PLCE1: variants seen among roughly 807,000 people sequenced by gnomAD.
PLCE1 encodes 1-phosphatidylinositol 4,5-bisphosphate phosphodiesterase epsilon-1.
PLCE1 carries 119 observed loss-of-function variants against 242.8 expected under a neutral mutation model. The ratio of observed to expected loss-of-function variants is 0.49; its 90% CI spans 0.42 to 0.57. PLCE1 has a LOEUF of 0.57. Ranked by LOEUF, PLCE1 falls within the 20% of genes least tolerant of loss-of-function variation. The probability of loss-of-function intolerance (pLI) is 0.00; values close to 1 mark genes in which losing one functional copy is unlikely to be tolerated. For missense variants in PLCE1, 2,441 were observed against 2,788.8 expected, an observed-to-expected ratio of 0.88 and a Z score of 2.81; for synonymous variants, 945 against 1,017.4, an observed-to-expected ratio of 0.93 and a Z score of 1.35.
At chr10:94,150,493 C>T (rs1410109584) in intron 3 of PLCE1, among the ~76,000 whole-genome samples, 1 of 152,192 alleles carries the variant, frequency 6.6e-6, no homozygotes, top group Non-Finnish European at 1.5e-5. Flanking sequence ...TCCACTTCCA[C>T]TCAGAGGCAC....
intron 1 of PLCE1, among the ~76,000 whole-genome samples, chr10:94,004,271 G>A (rs2060993242): frequency 6.6e-6 from 1 of 152,176 alleles, no homozygotes; most frequent in Admixed American, 6.5e-5. Context: ...CACACAGTAT[G>A]GACTTCCTTT....
At chr10:94,073,982 A>G (rs1423155005) in intron 2 of PLCE1, among the ~76,000 whole-genome samples, 2 of 152,158 alleles carry the variant, frequency 1.3e-5, no homozygotes, top group South Asian at 2.1e-4. Context: ...GTGGTGATCT[A>G]TTGAGTTTCA....
intron 24 of PLCE1, among the ~76,000 whole-genome samples, chr10:94,300,916 A>T (rs920863192): frequency 6.6e-6 from 1 of 151,966 alleles, no homozygotes; most frequent in Admixed American, 6.6e-5. Flanking sequence ...TTAAAACAAA[A>T]TAGTGGGGCT....
intron 4 of PLCE1, among the ~76,000 whole-genome samples, chr10:94,172,312 G>A (rs998706974): frequency 6.6e-6 from 1 of 152,106 alleles, no homozygotes. Flanking sequence ...CACACCCAGA[G>A]TTTTCTATTC....
chr10:94,187,108 A>C (rs2048501276), intron 4 of PLCE1, among the ~76,000 whole-genome samples: 1 of 151,910 alleles, frequency 6.6e-6, no homozygotes. Flanking sequence ...GCCCAATATC[A>C]CATAGGTTGA....
rs767432281 is a variant in PLCE1 at position 94,031,741 on chromosome 10, C to A, written c.695C>A (p.Ala232Glu). The A allele has an allele frequency of 3.1e-6, 5 of 1,613,626 alleles. No individual in the cohort carries two copies. Among genetic ancestry groups the A allele is most frequent in the Non-Finnish European group, 4.2e-6 (5 of 1,179,866 alleles). Residue 232 changes from alanine (A) to glutamate (E), a missense_variant, in exon 2 of 33, where the codon GCA (alanine) becomes GAA (glutamate). Transcript: ENST00000371380. Reference sequence around the variant, plus strand: ...GAGAAGCAAAAGAAAAACTATGTGGCATATACCTGTAAACTGATGGAATTG... The same window carrying A: ...GAGAAGCAAAAGAAAAACTATGTGGAATATACCTGTAAACTGATGGAATTG... ...GEEKQKKNYV[A>E]YTCKLMELAK...
At chr10:94,019,556 A>G (rs987770488) in intron 1 of PLCE1, among the ~76,000 whole-genome samples, 11 of 152,246 alleles carry the variant, frequency 7.2e-5, no homozygotes, top group Non-Finnish European at 1.5e-4. Context: ...GTCCTGTAGA[A>G]CTTTATGCGA....
At chr10:94,110,837 C>G (rs2045932764) in intron 2 of PLCE1, among the ~76,000 whole-genome samples, 1 of 152,186 alleles carries the variant, frequency 6.6e-6, no homozygotes, top group Non-Finnish European at 1.5e-5. Context: ...GCAGAAAGTG[C>G]TTTTGATTTC....
intron 3 of PLCE1, among the ~76,000 whole-genome samples, chr10:94,159,822 T>C (rs1222443850): frequency 6.6e-6 from 1 of 152,128 alleles, no homozygotes; most frequent in African/African-American, 2.4e-5. Flanking sequence ...CCTGTGTCCA[T>C]GTGTTTTCAT....
intron 2 of PLCE1, among the ~76,000 whole-genome samples, chr10:94,073,108 C>T (rs941547171): frequency 3.3e-5 from 5 of 152,088 alleles, no homozygotes; most frequent in African/African-American, 1.2e-4. Context: ...ATCCAGTTTC[C>T]CACCCCAAAC....
At chr10:94,279,642 T>C (rs2052118628) in intron 19 of PLCE1, 140 bp from the exon 20 acceptor site, 4 of 869,808 alleles carry the variant, frequency 4.6e-6, no homozygotes, top group South Asian at 2.9e-5. Context: ...GGAATCTAGA[T>C]TTTTTTCTCC....
chr10:94,216,387 T>C (rs990122979), intron 4 of PLCE1, among the ~76,000 whole-genome samples: 2 of 152,148 alleles, frequency 1.3e-5, no homozygotes, highest in African/African-American at 4.8e-5. Flanking sequence ...TTTGTCTTGC[T>C]CATCATGTGC....
In PLCE1 at chr10:94,179,608, C is replaced by T. The variant is rs150997037; in HGVS notation, c.1809+8112C>T. Among the ~76,000 whole-genome samples the T allele has an allele frequency of 3.9e-3, 575 of 146,370 alleles. 3 individuals carry two copies. Among genetic ancestry groups the T allele is most frequent in the African/African-American group, 0.013 (524 of 39,626 alleles). On this transcript the variant is annotated intron_variant, in intron 4 of 32. Coordinates refer to ENST00000371380, the MANE Select transcript of PLCE1 (RefSeq NM_016341.4). ...GCAGCCTCAGCCTCTCAGGCTCAAG[C>T]GATCCTCCCACCTCAGCCTCCCAAA...
chr10:93,997,848 T>G lies in PLCE1; in HGVS notation c.-365+3590T>G, dbSNP rs190115219. Among the ~76,000 whole-genome samples, 29 of 152,322 alleles carry G rather than the reference T, an allele frequency of 1.9e-4. No homozygotes were observed. In the East Asian group the frequency reaches 2.3e-3, roughly 12 times the overall value. ...GCCACACTTGTTTTTGAGCATTCAC[T>G]GTGTAAGAACTGGTAGGAAAAGAGG... On this transcript the variant is annotated intron_variant, in intron 1 of 32. Coordinates refer to ENST00000371380, the MANE Select transcript of PLCE1 (RefSeq NM_016341.4).
At chr10:94,313,130 G>C in intron 27 of PLCE1, 124 bp from the exon 28 acceptor site, 2 of 1,099,456 alleles carry the variant, frequency 1.8e-6, no homozygotes, top group Non-Finnish European at 2.7e-6. Context: ...GCTACAAATG[G>C]ACTCTCATCT....
At chr10:94,078,916 T>G (rs2044579843) in intron 2 of PLCE1, among the ~76,000 whole-genome samples, 1 of 152,218 alleles carries the variant, frequency 6.6e-6, no homozygotes, top group Non-Finnish European at 1.5e-5. Flanking sequence ...TTAGTTTATC[T>G]GCAGGGAATG....
intron 1 of PLCE1, among the ~76,000 whole-genome samples, chr10:94,003,991 A>G (rs762837923): frequency 2.2e-4 from 34 of 152,140 alleles, no homozygotes; most frequent in Non-Finnish European, 4.4e-4. Flanking sequence ...TACTAAAAAT[A>G]CAAAAATTAG....
At chr10:94,069,007 T>C (rs2135075910) in intron 2 of PLCE1, among the ~76,000 whole-genome samples, 1 of 152,332 alleles carries the variant, frequency 6.6e-6, no homozygotes, top group East Asian at 1.9e-4. Flanking sequence ...ATTCAATAGA[T>C]GAATGAGGGA....
chr10:94,123,372 T>G (rs550686632), intron 2 of PLCE1, among the ~76,000 whole-genome samples: 57 of 152,222 alleles, frequency 3.7e-4, no homozygotes, highest in Non-Finnish European at 6.6e-4. Flanking sequence ...GGCACAGTTC[T>G]GGTTAATTCG....
Sources: gnomAD v4.1 joint callset for allele counts (sites outside exome capture counted in the v4.1 genomes callset) on GRCh38, gnomAD v4.1.1 for gene constraint, MANE v1.5 for transcripts, NCBI Gene and HGNC (gene_info 2026-07-23, HGNC 2026-07-21) for gene names.